Variants in USP32 observed in about 807,000 individuals in gnomAD.
The protein encoded by USP32 is ubiquitin carboxyl-terminal hydrolase 32.
In USP32, 59 loss-of-function variants were observed where a neutral mutation model predicts 204.8. The ratio of observed to expected loss-of-function variants is 0.29; its 90% CI spans 0.23 to 0.36. The LOEUF is 0.36. Ranked by LOEUF, USP32 falls within the 10% of genes least tolerant of loss-of-function variation. USP32 has a pLI of 1.00. For synonymous variants in USP32, 517 were observed against 678.4 expected, an observed-to-expected ratio of 0.76 and a Z score of 3.70; for missense variants, 1,160 against 1,946.4, an observed-to-expected ratio of 0.60 and a Z score of 7.60.
At chr17:60,421,671 G>A (rs553618939) in intron 1 of USP32, 1 of 895,270 alleles carries the variant, frequency 1.1e-6, no homozygotes, top group South Asian at 5.1e-5. Context: ...GCCGCGCCAG[G>A]GGCGAGGGTC....
At chr17:60,391,702 C>A (rs2089837069) in intron 1 of USP32, among the ~76,000 whole-genome samples, 180 bp downstream of exon 1, 1 of 152,108 alleles carries the variant, frequency 6.6e-6, no homozygotes, top group African/African-American at 2.4e-5. Flanking sequence ...GGCCCTAATT[C>A]CCAAACGCTG....
intron 28 of USP32, among the ~76,000 whole-genome samples, chr17:60,191,783 A>G (rs959333294): frequency 1.3e-5 from 2 of 151,800 alleles, no homozygotes; most frequent in African/African-American, 4.8e-5. Context: ...TGCTGGGATT[A>G]CACGCGTGAG....
At position 60,183,381 on chromosome 17, in the gene USP32, G is replaced by T. The variant is rs772826389; in HGVS notation, c.3907C>A (p.Arg1303=). The change falls in exon 31 of 34, where the codon CGG becomes AGG. Residue 1303 remains arginine (R), a synonymous_variant. Transcript: ENST00000300896. The part of the protein sequence containing the change: ...IKSQKIVKFP[R]ESFDPSAFLV... ...AAAGCACTTGGATCAAAACTTTCCC[G>T]AGGAAATTTGACAATTTTCTGTGAT... The T allele has an allele frequency of 2.5e-6, 4 of 1,613,360 alleles. No homozygotes were observed. The African/African-American group carries it at 5.3e-5, about 22-fold the overall frequency.
intron 5 of USP32, among the ~76,000 whole-genome samples, chr17:60,288,046 G>A (rs1244816763): frequency 2.1e-5 from 3 of 144,110 alleles, no homozygotes; most frequent in Non-Finnish European, 4.6e-5. Context: ...CCCGGGAGGT[G>A]GAGATTGCAG....
intron 6 of USP32, among the ~76,000 whole-genome samples, chr17:60,270,962 A>C (rs955139889): frequency 6.6e-6 from 1 of 152,174 alleles, no homozygotes; most frequent in Non-Finnish European, 1.5e-5. Flanking sequence ...AAAGAAAAAA[A>C]GTAGAGGCAC....
intron 1 of USP32, among the ~76,000 whole-genome samples, chr17:60,411,285 T>G (rs1264770418): frequency 6.6e-6 from 1 of 151,124 alleles, no homozygotes; most frequent in East Asian, 2.0e-4. Flanking sequence ...GATTGCCCGA[T>G]TGCACTCCAG....
In USP32 at chr17:60,222,455, C is replaced by G. The variant is rs1371127275; in HGVS notation, c.1703G>C (p.Arg568Thr). ...TGCTCCATACCAGTGATAAAGTGCTCTCCACACAGGTTCTGGGACCATTTC... is the reference window on the plus strand; with the variant it reads ...TGCTCCATACCAGTGATAAAGTGCTGTCCACACAGGTTCTGGGACCATTTC... ...DYEMVPEPVW[R>T]ALYHWYGANL... The change falls in exon 15 of 34, where the codon AGA becomes ACA. Residue 568 changes from arginine to threonine, a missense_variant. Transcript: ENST00000300896. 2 of 1,613,976 alleles carry G rather than the reference C, an allele frequency of 1.2e-6. No individual in the cohort carries two copies. The highest frequency in any genetic ancestry group is 2.7e-5 in the African/African-American group (2 of 74,906).
Position 60,213,656 on chromosome 17 carries a change from G to A in USP32, c.2029C>T (p.Leu677Phe). ...TGATCCTCATCATCCAGAAGAGTAAGGTAGTTCTGTGTAAGGAGGAGGAAA... is the reference window on the plus strand; with the variant it reads ...TGATCCTCATCATCCAGAAGAGTAAAGTAGTTCTGTGTAAGGAGGAGGAAA... ...RLWLYNSENY[L>F]TLLDDEDHKL... The change falls in exon 18 of 34, where the codon CTT becomes TTT. Residue 677 changes from leucine (L) to phenylalanine (F), a missense_variant. Coordinates refer to ENST00000300896, the MANE Select transcript of USP32 (RefSeq NM_032582.4). The A allele has an allele frequency of 2.4e-6, 3 of 1,264,420 alleles. No individual in the cohort carries two copies. Among genetic ancestry groups the A allele is most frequent in the Non-Finnish European group, 3.2e-6 (3 of 927,042 alleles). 78.3% of individuals were successfully genotyped at this position (1,264,420 alleles called of 1,614,324 possible). A position where few individuals can be genotyped will look rare whatever the true frequency, so the allele number is the denominator to read the frequency against.
chr17:60,385,921 G>A (rs557515317), intron 1 of USP32, among the ~76,000 whole-genome samples: 1 of 151,998 alleles, frequency 6.6e-6, no homozygotes, highest in South Asian at 2.1e-4. Flanking sequence ...ATAAAGAGGG[G>A]TGTTAAGGAA....
intron 2 of USP32, among the ~76,000 whole-genome samples, chr17:60,322,706 A>G (rs2088143260): frequency 6.6e-6 from 1 of 152,220 alleles, no homozygotes; most frequent in African/African-American, 2.4e-5. Flanking sequence ...AATACCATAT[A>G]TCAACATTAA....
chr17:60,209,723 A>AC (rs144710628), intron 21 of USP32, among the ~76,000 whole-genome samples, 180 bp from the exon 22 acceptor site: 8,129 of 150,444 alleles, frequency 0.054, 271 homozygotes, highest in East Asian at 0.09. Flanking sequence ...ATGTCAAATG[A>AC]CCCCCCCCAA....
At position 60,226,242 on chromosome 17, in the gene USP32, G is replaced by A. The variant is rs200584009; in HGVS notation, c.1240-11C>T. On this transcript the variant is annotated splice_polypyrimidine_tract_variant and intron_variant, in intron 12 of 33. Transcript: ENST00000300896. The stretch of plus-strand genomic sequence containing the variant: ...CACAGGGTTGGCATCCTAAAATCAG[G>A]AAATCAGAGAATAAGAAGCAAAGTT... The A allele has an allele frequency of 3.5e-5, 54 of 1,521,592 alleles. No homozygotes were observed. The highest frequency in any genetic ancestry group is 7.5e-5 in the Admixed American group (3 of 40,254). 94.3% of individuals were successfully genotyped at this position (1,521,592 alleles called of 1,614,324 possible). A position where few individuals can be genotyped will look rare whatever the true frequency, so the allele number is the denominator to read the frequency against.
chr17:60,387,154 C>T (rs141297386), intron 1 of USP32, among the ~76,000 whole-genome samples: 1 of 152,298 alleles, frequency 6.6e-6, no homozygotes. Context: ...TAGAATGATA[C>T]ATTATGCTAA....
At chr17:60,279,709 C>T (rs1438331973) in intron 5 of USP32, among the ~76,000 whole-genome samples, 2 of 151,276 alleles carry the variant, frequency 1.3e-5, no homozygotes, top group Non-Finnish European at 2.9e-5. Context: ...TGGTGGTGTG[C>T]GCCTGTAGTC....
chr17:60,329,428 A>G (rs1377776338), intron 2 of USP32, among the ~76,000 whole-genome samples: 1 of 151,792 alleles, frequency 6.6e-6, no homozygotes, highest in Admixed American at 6.6e-5. Context: ...GAGAATCAGA[A>G]AGTTACTAAT....
chr17:60,419,911 G>A (rs1484342219), intron 1 of USP32, among the ~76,000 whole-genome samples: 1 of 147,522 alleles, frequency 6.8e-6, no homozygotes, highest in Non-Finnish European at 1.5e-5. Context: ...TCTAGCTGGA[G>A]TGCAGGGGCA....
intron 7 of USP32, among the ~76,000 whole-genome samples, chr17:60,267,019 C>T (rs2086609940): frequency 1.3e-5 from 2 of 149,752 alleles, no homozygotes; most frequent in African/African-American, 4.9e-5. Flanking sequence ...AAACTCCTAA[C>T]CTCAAGTGAT....
intron 2 of USP32, among the ~76,000 whole-genome samples, chr17:60,319,676 T>A (rs1053701313): frequency 7.2e-5 from 11 of 151,830 alleles, no homozygotes; most frequent in African/African-American, 2.4e-4. Flanking sequence ...ACTACTCAAG[T>A]GGCTGAGGTA....
intron 1 of USP32, among the ~76,000 whole-genome samples, chr17:60,385,558 T>C (rs898798345): frequency 3.3e-5 from 5 of 150,074 alleles, no homozygotes; most frequent in Admixed American, 3.3e-4. Context: ...AATAAATAAA[T>C]AGGCCAGAAG....
Sources: gnomAD v4.1 joint callset for allele counts (sites outside exome capture counted in the v4.1 genomes callset) on GRCh38, gnomAD v4.1.1 for gene constraint, MANE v1.5 for transcripts, NCBI Gene and HGNC (gene_info 2026-07-23, HGNC 2026-07-21) for gene names.